The following CHD2 variants were observed in gnomAD, a reference collection of about 807,000 sequenced individuals.
CHD2 encodes the protein ATP-dependent chromatin remodeler CHD2.
A neutral mutation model predicts 243.9 loss-of-function variants in CHD2; 28 were observed. The observed-to-expected ratio is 0.11, with a 90% confidence interval of 0.09 to 0.16. CHD2 has a LOEUF of 0.16. CHD2 is among the 10% of genes least tolerant of loss of function. CHD2 has a pLI of 1.00. For synonymous variants in CHD2, 775 were observed against 779.0 expected (o/e 0.99, Z 0.09); for missense variants, 1,386 against 2,209.8 (o/e 0.63, Z 7.47).
intron 2 of CHD2, among the ~76,000 whole-genome samples, chr15:92,903,541 C>G (rs2052560253): frequency 6.6e-6 from 1 of 152,028 alleles, no homozygotes; most frequent in Admixed American, 6.6e-5. Flanking sequence ...GTCTGTTATA[C>G]TTTATCACGA....
intron 14 of CHD2, 50 bp from the exon 15 acceptor site, chr15:92,955,373 T>C (rs962342324): frequency 2.6e-6 from 3 of 1,146,912 alleles, no homozygotes; most frequent in Middle Eastern, 2.6e-4. Flanking sequence ...TTATGTGATA[T>C]AGAAAGGTAG....
At chr15:92,904,853 G>A in intron 2 of CHD2, 1 of 1,524,666 alleles carries the variant, frequency 6.6e-7, no homozygotes, top group Non-Finnish European at 8.8e-7. Context: ...TGTCAGAGGC[G>A]GATACTTTTA....
intron 16 of CHD2, among the ~76,000 whole-genome samples, chr15:92,963,624 G>A (rs1360668528): frequency 1.3e-5 from 2 of 152,148 alleles, no homozygotes; most frequent in African/African-American, 4.8e-5. Context: ...TCGCTGTTGG[G>A]TATTGCTTTC....
intron 28 of CHD2, among the ~76,000 whole-genome samples, chr15:92,993,904 T>A (rs947532640): frequency 6.6e-6 from 1 of 152,060 alleles, no homozygotes; most frequent in Non-Finnish European, 1.5e-5. Context: ...GTTGAGATCA[T>A]GCCGCTGCAG....
chr15:92,979,353 AT>A, intron 22 of CHD2, 70 bp downstream of exon 22: 7 of 1,545,992 alleles, frequency 4.5e-6, no homozygotes, highest in Non-Finnish European at 6.1e-6. Flanking sequence ...ATATAATAGG[AT>A]TTTCTACCAC....
chr15:92,927,167 T>G, intron 3 of CHD2, 77 bp from the exon 4 acceptor site: 1 of 1,064,154 alleles, frequency 9.4e-7, no homozygotes, highest in South Asian at 1.4e-5. Context: ...TTGAATTCTC[T>G]TCAATTGCAA....
At chr15:92,917,364 G>T (rs2052860028) in intron 2 of CHD2, among the ~76,000 whole-genome samples, 1 of 152,212 alleles carries the variant, frequency 6.6e-6, no homozygotes, top group African/African-American at 2.4e-5. Flanking sequence ...TTCAAGACCA[G>T]CCTGGCCGAC....
At chr15:92,964,388 A>G (rs1247589295) in intron 16 of CHD2, among the ~76,000 whole-genome samples, 2 of 152,204 alleles carry the variant, frequency 1.3e-5, no homozygotes, top group Non-Finnish European at 2.9e-5. Context: ...ATGGGTAACT[A>G]TAGTCTTGTG....
chr15:92,991,326 A>G (rs1170638689), intron 26 of CHD2, 150 bp from the exon 27 acceptor site: 1 of 504,256 alleles, frequency 2.0e-6, no homozygotes, highest in Non-Finnish European at 3.5e-6. Flanking sequence ...GACATTCAAC[A>G]TTTATTCATT....
intron 34 of CHD2, 48 bp from the exon 35 acceptor site, chr15:93,009,097 T>A (rs1426662379): frequency 6.3e-7 from 1 of 1,592,978 alleles, no homozygotes; most frequent in Admixed American, 1.7e-5. Flanking sequence ...AGGACAAGAC[T>A]TACTTTCTGC....
At chr15:93,014,520 C>T (rs556198588) in intron 36 of CHD2, among the ~76,000 whole-genome samples, 176 bp from the exon 37 acceptor site, 94 of 152,192 alleles carry the variant, frequency 6.2e-4, no homozygotes, top group Admixed American at 1.0e-3. Flanking sequence ...TGAGTTCCCC[C>T]AGCAAATAGC....
At chr15:93,001,817 A>C (rs1490357349) in intron 32 of CHD2, among the ~76,000 whole-genome samples, 7 of 152,202 alleles carry the variant, frequency 4.6e-5, no homozygotes. Flanking sequence ...GTGCCTGGCC[A>C]ATACATACGT....
chr15:93,004,844 C>A, intron 34 of CHD2, 93 bp downstream of exon 34: 1 of 1,361,658 alleles, frequency 7.3e-7, no homozygotes, highest in Non-Finnish European at 1.0e-6. Flanking sequence ...TTCAGTTGAG[C>A]TAAGCAATAG....
At chr15:92,903,792 T>G (rs1286115949) in intron 2 of CHD2, among the ~76,000 whole-genome samples, 1 of 152,216 alleles carries the variant, frequency 6.6e-6, no homozygotes, top group Non-Finnish European at 1.5e-5. Context: ...CAATTTATCT[T>G]AAGAATTGAA....
intron 9 of CHD2, chr15:92,943,305 T>A (rs1171474938): frequency 2.1e-6 from 1 of 487,100 alleles, no homozygotes; most frequent in African/African-American, 1.9e-5. Flanking sequence ...TCACACATTC[T>A]TTAGTTTTCA....
intron 32 of CHD2, among the ~76,000 whole-genome samples, chr15:93,001,418 T>C (rs1040985388): frequency 2.6e-5 from 4 of 152,228 alleles, no homozygotes; most frequent in African/African-American, 9.6e-5. Context: ...ATGGAATTTC[T>C]GAGAGTGTAA....
At chr15:93,006,575 A>G (rs761628697) in intron 34 of CHD2, among the ~76,000 whole-genome samples, 11 of 152,250 alleles carry the variant, frequency 7.2e-5, no homozygotes, top group Non-Finnish European at 1.3e-4. Flanking sequence ...CTTTATATAT[A>G]TTTTTTCCAC....
chr15:92,953,202 A>G (rs906949991), intron 13 of CHD2, among the ~76,000 whole-genome samples, 155 bp from the exon 14 acceptor site: 2 of 152,250 alleles, frequency 1.3e-5, no homozygotes, highest in Non-Finnish European at 2.9e-5. Flanking sequence ...TGAAAGCTGA[A>G]GTAATTGCAG....
At chr15:92,918,277 A>T (rs1189965627) in intron 2 of CHD2, among the ~76,000 whole-genome samples, 1 of 152,232 alleles carries the variant, frequency 6.6e-6, no homozygotes, top group Non-Finnish European at 1.5e-5. Context: ...CCACAAGCAA[A>T]AGGAAGTGGT....
Sources: allele counts gnomAD v4.1 joint callset (sites outside exome capture counted in the v4.1 genomes callset), GRCh38; gene constraint gnomAD v4.1.1; transcripts MANE v1.5; gene names NCBI Gene and HGNC (gene_info 2026-07-23, HGNC 2026-07-21).